The following DCC variants were observed in gnomAD, a reference collection of about 807,000 sequenced individuals.
The protein encoded by DCC is netrin receptor DCC.
A neutral mutation model predicts 172.5 loss-of-function variants in DCC; 58 were observed. That is an observed-to-expected ratio of 0.34 (90% CI 0.27 to 0.42). The LOEUF (loss-of-function observed/expected upper bound fraction) is 0.42, where lower values mean the gene tolerates loss of function less well. Among genes scored for constraint, DCC ranks in the 10% least tolerant of loss-of-function variants. DCC has a pLI of 1.00. For missense variants in DCC, 1,740 were observed against 1,791.0 expected (o/e 0.97, Z 0.51); for synonymous variants, 709 against 644.5 (o/e 1.10, Z -1.52).
chr18:53,011,883 T>A (rs2041735889), intron 5 of DCC, among the ~76,000 whole-genome samples: 1 of 151,838 alleles, frequency 6.6e-6, no homozygotes, highest in African/African-American at 2.4e-5. Context: ...ACTTTATAAA[T>A]ACGTTACAAA....
intron 7 of DCC, among the ~76,000 whole-genome samples, chr18:53,069,267 C>T (rs138808763): frequency 4.6e-5 from 7 of 152,280 alleles, no homozygotes; most frequent in Non-Finnish European, 8.8e-5. Context: ...GATGGAGTTG[C>T]TTTCGCCTCC....
intron 3 of DCC, among the ~76,000 whole-genome samples, chr18:52,914,657 CAG>C (rs1339407218): frequency 6.0e-5 from 3 of 49,676 alleles, no homozygotes; most frequent in Admixed American, 2.8e-4. Context: ...ATTCTAAACA[CAG>C]AGTTAGGAGT....
chr18:52,679,080 C>T (rs886303506), intron 1 of DCC, among the ~76,000 whole-genome samples: 1 of 151,918 alleles, frequency 6.6e-6, no homozygotes, highest in African/African-American at 2.4e-5. Flanking sequence ...TGGTAGTCTA[C>T]GAGCTTTGAA....
chr18:52,378,077 G>A lies in DCC; in HGVS notation c.91+37199G>A, dbSNP rs146416599. On this transcript the variant is annotated intron_variant, in intron 1 of 28. Transcript: ENST00000442544. The stretch of plus-strand genomic sequence containing the variant: ...CCTGATTTCAAGAATTCTGGAATCT[G>A]TATTTTCATGTAGACTATCTGTGAA... Among the ~76,000 whole-genome samples, 195 of 152,024 alleles carry A rather than the reference G, an allele frequency of 1.3e-3. 1 individual carries two copies. The highest frequency in any genetic ancestry group is 4.4e-3 in the African/African-American group (183 of 41,470).
At chr18:53,108,806 C>G (rs965368210) in intron 7 of DCC, among the ~76,000 whole-genome samples, 1 of 151,404 alleles carries the variant, frequency 6.6e-6, no homozygotes, top group Non-Finnish European at 1.5e-5. Context: ...ATCAGTATAC[C>G]ATAATTTACT....
intron 20 of DCC, among the ~76,000 whole-genome samples, chr18:53,415,526 A>C (rs1910259972): frequency 6.6e-6 from 1 of 152,150 alleles, no homozygotes; most frequent in South Asian, 2.1e-4. Flanking sequence ...AAATTTAGCA[A>C]TTTAATTTTT....
intron 7 of DCC, among the ~76,000 whole-genome samples, chr18:53,145,909 G>T (rs1028289364): frequency 1.3e-5 from 2 of 152,180 alleles, no homozygotes; most frequent in African/African-American, 2.4e-5. Context: ...AACTGGAAGA[G>T]AATATAGTCC....
At chr18:53,127,777 C>T (rs2043587466) in intron 7 of DCC, among the ~76,000 whole-genome samples, 2 of 152,148 alleles carry the variant, frequency 1.3e-5, no homozygotes, top group Admixed American at 1.3e-4. Flanking sequence ...ACAAGCTGCA[C>T]AGTGAAAACA....
chr18:52,566,656 A>G (rs2144750263), intron 1 of DCC, among the ~76,000 whole-genome samples: 1 of 152,234 alleles, frequency 6.6e-6, no homozygotes, highest in Non-Finnish European at 1.5e-5. Context: ...AAAAAATGAT[A>G]TTGGGGCTAC....
At chr18:53,204,333 G>T (rs1172030128) in intron 9 of DCC, among the ~76,000 whole-genome samples, 1 of 152,138 alleles carries the variant, frequency 6.6e-6, no homozygotes, top group Non-Finnish European at 1.5e-5. Context: ...CTTGCCAGGA[G>T]TTCAAGACTG....
At chr18:52,374,305 A>G (rs1164152317) in intron 1 of DCC, among the ~76,000 whole-genome samples, 1 of 152,122 alleles carries the variant, frequency 6.6e-6, no homozygotes, top group African/African-American at 2.4e-5. Context: ...GAGGATATCT[A>G]TTATTGAGAC....
At chr18:53,073,481 G>T (rs1426640700) in intron 7 of DCC, among the ~76,000 whole-genome samples, 2 of 152,104 alleles carry the variant, frequency 1.3e-5, no homozygotes, top group Non-Finnish European at 2.9e-5. Flanking sequence ...AGCCGAGATA[G>T]CACCACTGCA....
In DCC at chr18:52,925,257, G is replaced by C. The variant is rs773575389; in HGVS notation, c.872G>C (p.Gly291Ala). The C allele has an allele frequency of 1.2e-6, 2 of 1,612,458 alleles. No individual in the cohort carries two copies. Among genetic ancestry groups the C allele is most frequent in the South Asian group, 2.2e-5 (2 of 91,080 alleles). The change falls in exon 5 of 29, where the codon GGT becomes GCT. Residue 291 changes from glycine to alanine, a missense_variant. Gly to Ala is a moderately conservative substitution (Grantham distance 60). Transcript: ENST00000442544. ...QLRSKKYSLL[G>A]GSNLLISNVT... ...AGGTCTAAAAAGTATTCTTTATTGG[G>C]TGGAAGCAACTTGCTTATCTCCAAT...
chr18:53,088,832 T>A (rs1311228135), intron 7 of DCC, among the ~76,000 whole-genome samples: 1 of 152,232 alleles, frequency 6.6e-6, no homozygotes, highest in Non-Finnish European at 1.5e-5. Context: ...TTAGCTTTCT[T>A]ATTAACAAAG....
chr18:52,379,103 C>T (rs183861019), intron 1 of DCC, among the ~76,000 whole-genome samples: 14 of 152,176 alleles, frequency 9.2e-5, no homozygotes, highest in African/African-American at 3.1e-4. Flanking sequence ...AAACCTCTCT[C>T]AGGTGCCACG....
At chr18:53,283,674 A>G (rs2056899459) in intron 12 of DCC, among the ~76,000 whole-genome samples, 1 of 152,190 alleles carries the variant, frequency 6.6e-6, no homozygotes, top group African/African-American at 2.4e-5. Flanking sequence ...AAAAAGGAAA[A>G]TTAAAACATA....
intron 1 of DCC, among the ~76,000 whole-genome samples, chr18:52,609,979 TA>T (rs1362538467): frequency 6.6e-6 from 1 of 150,978 alleles, no homozygotes; most frequent in Non-Finnish European, 1.5e-5. Flanking sequence ...TACTGGTTTC[TA>T]AAAGAAATAT....
intron 1 of DCC, among the ~76,000 whole-genome samples, chr18:52,547,073 C>G (rs1296518550): frequency 1.3e-5 from 2 of 152,032 alleles, no homozygotes; most frequent in African/African-American, 4.8e-5. Context: ...TCTAAAGTTC[C>G]TCATCATTAA....
At chr18:53,058,254 A>G (rs1230983812) in intron 5 of DCC, among the ~76,000 whole-genome samples, 2 of 152,128 alleles carry the variant, frequency 1.3e-5, no homozygotes, top group Non-Finnish European at 2.9e-5. Flanking sequence ...GTTTAAGTAG[A>G]TTAAATGATT....
Sources: allele counts gnomAD v4.1 joint callset (sites outside exome capture counted in the v4.1 genomes callset), GRCh38; gene constraint gnomAD v4.1.1; transcripts MANE v1.5; gene names NCBI Gene and HGNC (gene_info 2026-07-23, HGNC 2026-07-21).